Variants in PRRX2 observed in about 807,000 individuals in gnomAD.
The protein encoded by PRRX2 is paired related homeobox 2.
Under a neutral mutation model 18.0 loss-of-function variants are expected in PRRX2, and 11 were observed. That is an observed-to-expected ratio of 0.61 (90% confidence interval 0.39 to 1.01). PRRX2 has a LOEUF of 1.01. PRRX2 is among the 50% of genes least tolerant of loss of function. PRRX2 has a pLI of 0.01. For synonymous variants in PRRX2, 177 were observed against 154.8 expected (o/e 1.14, Z -1.06); for missense variants, 387 against 351.0 (o/e 1.10, Z -0.82).
intron 1 of PRRX2, among the ~76,000 whole-genome samples, chr9:129,692,640 G>A (rs1344149746): frequency 6.6e-6 from 1 of 152,126 alleles, no homozygotes; most frequent in Admixed American, 6.5e-5. Context: ...TCATGTGGTT[G>A]GAATCATACA....
intron 1 of PRRX2, among the ~76,000 whole-genome samples, chr9:129,689,663 C>T (rs1023267946): frequency 6.6e-6 from 1 of 150,636 alleles, no homozygotes; most frequent in African/African-American, 2.5e-5. Context: ...AGCTGGCGAG[C>T]TTTCAATGAA....
rs140781359 is a variant in PRRX2 at position 129,690,592 on chromosome 9, C to T, written c.259+24466C>T. On this transcript the variant is annotated intron_variant, in intron 1 of 3. Transcript: ENST00000372469. The stretch of plus-strand genomic sequence containing the variant: ...TGCGATCTCGGCTCACTGCAGTCTC[C>T]GCCTCCTGGGTTCAAGCGATTCTCC... Among the ~76,000 whole-genome samples the T allele has an allele frequency of 4.2e-4, 64 of 151,308 alleles. 1 individual carries two copies. In the East Asian group the frequency reaches 0.01, roughly 24 times the overall value.
At chr9:129,688,360 C>T (rs7872770) in intron 1 of PRRX2, among the ~76,000 whole-genome samples, 9,173 of 152,170 alleles carry the variant, frequency 0.06, 352 homozygotes, top group African/African-American at 0.098. Flanking sequence ...TCACCGTGCC[C>T]GGTCAAGAAA....
Position 129,675,955 on chromosome 9 carries a change from C to T in PRRX2, c.259+9829C>T, listed in dbSNP as rs1458202707. On this transcript the variant is annotated intron_variant, in intron 1 of 3. Transcript: ENST00000372469. This position sits in a 1 kb window ranked among gnomAD's most constrained non-coding sequence, Gnocchi z 4.4. ...ACAGAAAACAGCTGTTAACAGCAGC[C>T]CTCTAATGCTCTCAAGATGGTGCCT... 6.6e-6 allele frequency among the ~76,000 whole-genome samples: 1 copy of T among 152,204 alleles called. No homozygotes were observed. Among genetic ancestry groups the T allele is most frequent in the East Asian group, 1.9e-4 (1 of 5,182 alleles).
At chr9:129,716,685 C>A (rs1378554514) in intron 1 of PRRX2, among the ~76,000 whole-genome samples, 1 of 152,012 alleles carries the variant, frequency 6.6e-6, no homozygotes, top group Non-Finnish European at 1.5e-5. Context: ...GAACTCCTGA[C>A]CTCAGGTGAT....
intron 1 of PRRX2, among the ~76,000 whole-genome samples, chr9:129,696,277 T>A (rs554580679): frequency 2.0e-5 from 3 of 152,092 alleles, no homozygotes; most frequent in Non-Finnish European, 4.4e-5. Flanking sequence ...ATGGTACTTC[T>A]AAAGCAGGGC....
rs1832409459 is a variant in PRRX2, at chr9:129,695,466, G to C, written c.260-23765G>C. 6.6e-6 allele frequency among the ~76,000 whole-genome samples: 1 copy of C among 152,160 alleles called. No individual in the cohort carries two copies. Among genetic ancestry groups the C allele is most frequent in the Non-Finnish European group, 1.5e-5 (1 of 68,024 alleles). On this transcript the variant is annotated intron_variant, in intron 1 of 3. Transcript: ENST00000372469. This position sits in a 1 kb window ranked among gnomAD's most constrained non-coding sequence, Gnocchi z 4.8. ...GCTCTGGGCTTTACTTGACCAATGT[G>C]CTTCTTTGGTTTGGTTTTTATACAC...
chr9:129,689,130 C>A (rs1180999042), intron 1 of PRRX2, among the ~76,000 whole-genome samples: 1 of 152,178 alleles, frequency 6.6e-6, no homozygotes, highest in Admixed American at 6.5e-5. Context: ...ACACTCCTGT[C>A]TTCTCTCCAT....
At chr9:129,685,691 A>T (rs1457099796) in intron 1 of PRRX2, among the ~76,000 whole-genome samples, 1 of 152,222 alleles carries the variant, frequency 6.6e-6, no homozygotes, top group Non-Finnish European at 1.5e-5. Flanking sequence ...AACAATTTCC[A>T]GTCTCCCATT....
rs554839310 is a variant in PRRX2 at position 129,721,879 on chromosome 9, C to T, written c.627-338C>T. On this transcript the variant is annotated intron_variant, in intron 3 of 3. Transcript: ENST00000372469. ...TACAGGCGTGAGCCACCACGCTTGG[C>T]CCCAAGGGGCATCCTTAAATCCAGG... Among the ~76,000 whole-genome samples the T allele has an allele frequency of 1.9e-4, 29 of 152,020 alleles. 1 individual carries two copies. Among genetic ancestry groups the T allele is most frequent in the Admixed American group, 1.7e-3 (26 of 15,282 alleles).
rs369017484 is a variant in PRRX2 at position 129,706,300 on chromosome 9, C to CTGATCAG, written c.260-12931_260-12930insTGATCAG. On this transcript the variant is annotated intron_variant, in intron 1 of 3. Transcript: ENST00000372469. The stretch of plus-strand genomic sequence containing the variant: ...CATCTCTACACAAAAATTTTTTTTT[C>CTGATCAG]CCAGGCGCGGTGGCTCACACCTGTA... 3.4e-3 allele frequency among the ~76,000 whole-genome samples: 512 copies of CTGATCAG among 151,098 alleles called. 18 individuals carry two copies. The East Asian group carries it at 0.063, about 19-fold the overall frequency.
intron 1 of PRRX2, among the ~76,000 whole-genome samples, chr9:129,676,829 C>A (rs1195753483): frequency 1.3e-5 from 2 of 152,150 alleles, no homozygotes; most frequent in East Asian, 3.9e-4. Flanking sequence ...GGGGCTCTGT[C>A]CTCAAACCTG....
At chr9:129,717,790 C>A (rs1336613871) in intron 1 of PRRX2, among the ~76,000 whole-genome samples, 1 of 151,580 alleles carries the variant, frequency 6.6e-6, no homozygotes, top group Non-Finnish European at 1.5e-5. Flanking sequence ...TTATACCCAT[C>A]TGTGTTGTTT....
At chr9:129,696,829 G>A (rs573056780) in intron 1 of PRRX2, among the ~76,000 whole-genome samples, 1 of 152,154 alleles carries the variant, frequency 6.6e-6, no homozygotes, top group Non-Finnish European at 1.5e-5. Context: ...GGAGGGCAAG[G>A]GAGGGGCGCC....
At chr9:129,708,089 T>A (rs1174534976) in intron 1 of PRRX2, among the ~76,000 whole-genome samples, 4 of 151,942 alleles carry the variant, frequency 2.6e-5, no homozygotes, top group Non-Finnish European at 4.4e-5. Context: ...CAGGCTAGAG[T>A]GCAGTGCGTG....
chr9:129,714,345 G>A (rs1280025392), intron 1 of PRRX2, among the ~76,000 whole-genome samples: 1 of 150,912 alleles, frequency 6.6e-6, no homozygotes, highest in African/African-American at 2.4e-5. Context: ...AGAGGTTGCA[G>A]TGAGCCGAGA....
intron 1 of PRRX2, among the ~76,000 whole-genome samples, chr9:129,683,506 T>TGG (rs1832258953): frequency 6.6e-6 from 1 of 151,846 alleles, no homozygotes; most frequent in Admixed American, 6.6e-5. Context: ...GAGGCCGAGG[T>TGG]GGGCGGATCA....
intron 1 of PRRX2, among the ~76,000 whole-genome samples, chr9:129,716,255 T>C (rs1832705402): frequency 1.3e-5 from 2 of 152,200 alleles, no homozygotes. Context: ...TGTGGCATTC[T>C]TCTAGTTCCA....
At chr9:129,683,197 C>A (rs548428827) in intron 1 of PRRX2, among the ~76,000 whole-genome samples, 3 of 152,220 alleles carry the variant, frequency 2.0e-5, no homozygotes, top group Non-Finnish European at 4.4e-5. Flanking sequence ...AGGAACCCCT[C>A]CTGGGACTCC....
Sources: gnomAD v4.1 joint callset for allele counts (sites outside exome capture counted in the v4.1 genomes callset) on GRCh38, gnomAD v4.1.1 for gene constraint, Gnocchi (gnomAD v3.1) non-coding constraint, MANE v1.5 for transcripts, NCBI Gene and HGNC (gene_info 2026-07-23, HGNC 2026-07-21) for gene names.